HSD17B12: variants seen among roughly 807,000 people sequenced by gnomAD.
The protein encoded by HSD17B12 is very-long-chain 3-oxoacyl-CoA reductase.
Under a neutral mutation model 39.3 loss-of-function variants are expected in HSD17B12, and 32 were observed. The observed-to-expected ratio is 0.81, with a 90% CI of 0.61 to 1.09. HSD17B12 has a LOEUF of 1.09. Ranked by LOEUF, HSD17B12 falls within the 50% of genes least tolerant of loss-of-function variation. The pLI, the probability that HSD17B12 is intolerant of heterozygous loss-of-function variation, is 0.00. For missense variants in HSD17B12, 342 were observed against 382.9 expected (o/e 0.89, Z 0.89); for synonymous variants, 150 against 146.7 (o/e 1.02, Z -0.16).
chr11:43,742,334 G>A (rs1312685518), intron 1 of HSD17B12, among the ~76,000 whole-genome samples: 1 of 151,116 alleles, frequency 6.6e-6, no homozygotes, highest in Non-Finnish European at 1.5e-5. Flanking sequence ...TAGGATTGGG[G>A]TCTCGCTATG....
At chr11:43,830,817 A>C in intron 6 of HSD17B12, 159 bp from the exon 7 acceptor site, 2 of 499,698 alleles carry the variant, frequency 4.0e-6, no homozygotes, top group South Asian at 6.4e-5. Flanking sequence ...CCCTCTTGAC[A>C]CAGTCACATT....
At chr11:43,601,470 G>T in the HSD17B12 span, among the ~76,000 whole-genome samples, 1 of 143,932 alleles carries the variant, frequency 6.9e-6, no homozygotes, top group South Asian at 2.2e-4. Context: ...GTATCATTTG[G>T]TTTTTTCCTT....
At chr11:43,582,503 C>A in the HSD17B12 span, among the ~76,000 whole-genome samples, 5 of 152,172 alleles carry the variant, frequency 3.3e-5, no homozygotes, top group Admixed American at 1.3e-4. Context: ...AGGGACTGGG[C>A]CAGAAGGACA....
Position 43,815,466 on chromosome 11 carries a change from C to A in HSD17B12, c.421C>A (p.Pro141Thr). ...VNNVGMSYEYPEYFLDVPDLD... is the reference protein window; with the variant it reads ...VNNVGMSYEYTEYFLDVPDLD... ...CAACGTGGGAATGTCGTATGAGTATCCTGAATACTTTTTGGATGTTCCTGA... is the reference window on the plus strand; with the variant it reads ...CAACGTGGGAATGTCGTATGAGTATACTGAATACTTTTTGGATGTTCCTGA... Residue 141 changes from proline (P) to threonine (T), a missense_variant, in exon 5 of 11, where the codon CCT becomes ACT. Physicochemically the swap from Pro to Thr is conservative, Grantham distance 38. Coordinates refer to ENST00000278353, the MANE Select transcript of HSD17B12 (RefSeq NM_016142.3). The A allele has an allele frequency of 6.3e-7, 1 of 1,580,030 alleles. No individual in the cohort carries two copies. Among genetic ancestry groups the A allele is most frequent in the Non-Finnish European group, 8.6e-7 (1 of 1,156,450 alleles).
At chr11:43,770,080 T>C (rs1388900362) in intron 3 of HSD17B12, among the ~76,000 whole-genome samples, 1 of 152,192 alleles carries the variant, frequency 6.6e-6, no homozygotes, top group Non-Finnish European at 1.5e-5. Flanking sequence ...TTTTCCCTGG[T>C]ATCTTGATCC....
the HSD17B12 span, among the ~76,000 whole-genome samples, chr11:43,662,853 T>C: frequency 9.9e-5 from 15 of 152,124 alleles, no homozygotes; most frequent in Non-Finnish European, 1.8e-4. Flanking sequence ...TGAACATACA[T>C]TCAATATGTA....
At chr11:43,680,250 T>G (rs893348893), upstream of HSD17B12, among the ~76,000 whole-genome samples, 18 of 151,992 alleles carry the variant, frequency 1.2e-4, no homozygotes, top group African/African-American at 4.3e-4. Flanking sequence ...ATTTTTGTAT[T>G]TTTAGTAGAG....
chr11:43,641,176 T>C, the HSD17B12 span: 6 of 151,758 alleles, frequency 4.0e-5, no homozygotes, highest in Admixed American at 3.9e-4. Context: ...ATTTTTAATT[T>C]AAATAAAGCA....
At chr11:43,698,355 A>G (rs1455825441) in intron 1 of HSD17B12, among the ~76,000 whole-genome samples, 1 of 152,214 alleles carries the variant, frequency 6.6e-6, no homozygotes, top group Non-Finnish European at 1.5e-5. Flanking sequence ...TCTAGCCATC[A>G]TTTAAGTTGT....
chr11:43,707,875 G>A (rs1022185301), intron 1 of HSD17B12, among the ~76,000 whole-genome samples: 1 of 152,158 alleles, frequency 6.6e-6, no homozygotes, highest in Non-Finnish European at 1.5e-5. Flanking sequence ...AGACTAGATG[G>A]CTGAAACAAA....
chr11:43,831,054 A>G lies in HSD17B12; in HGVS notation c.536+44A>G. ...TACAAACACTGTGGAAGCAGAGCTC[A>G]TGATTATTTAGAGGGAGAATCCTTG... On this transcript the variant is annotated intron_variant, in intron 7 of 10. Coordinates refer to ENST00000278353, the MANE Select transcript of HSD17B12 (RefSeq NM_016142.3). The surrounding 1 kb of genome is among the most constrained non-coding windows in gnomAD (Gnocchi z 4.1). 6.4e-7 allele frequency: 1 copy of G among 1,552,552 alleles called. No individual in the cohort carries two copies. The highest frequency in any genetic ancestry group is 8.8e-7 in the Non-Finnish European group (1 of 1,139,788).
the HSD17B12 span, among the ~76,000 whole-genome samples, chr11:43,664,129 T>C: frequency 6.6e-6 from 1 of 152,078 alleles, no homozygotes; most frequent in African/African-American, 2.4e-5. Flanking sequence ...GATTACAGGC[T>C]TGAGCCACTA....
chr11:43,697,369 T>C (rs1424115751), intron 1 of HSD17B12, among the ~76,000 whole-genome samples: 1 of 152,198 alleles, frequency 6.6e-6, no homozygotes, highest in African/African-American at 2.4e-5. Flanking sequence ...AAGTAGAAGA[T>C]GATGATGTTC....
chr11:43,666,245 C>G, the HSD17B12 span, among the ~76,000 whole-genome samples: 1 of 152,116 alleles, frequency 6.6e-6, no homozygotes, highest in African/African-American at 2.4e-5. Flanking sequence ...ACTCTATCAC[C>G]CAGGCTGGAG....
At chr11:43,815,298 G>C (rs1590323017) in intron 4 of HSD17B12, 139 bp from the exon 5 acceptor site, 2 of 446,412 alleles carry the variant, frequency 4.5e-6, no homozygotes, top group African/African-American at 4.0e-5. Context: ...GAAAGGTGTG[G>C]AAAAGGTTAT....
At chr11:43,725,117 T>TAA (rs1427755984) in intron 1 of HSD17B12, among the ~76,000 whole-genome samples, 1 of 152,174 alleles carries the variant, frequency 6.6e-6, no homozygotes, top group Admixed American at 6.5e-5. Context: ...CTTCTATGTA[T>TAA]ATTTCACAGA....
intron 3 of HSD17B12, 75 bp from the exon 4 acceptor site, chr11:43,798,245 A>G (rs1950931905): frequency 3.7e-6 from 3 of 817,136 alleles, no homozygotes; most frequent in Middle Eastern, 6.8e-4. Context: ...GGATAATGCT[A>G]TCAAATGCCT....
At chr11:43,721,453 C>T (rs762002051) in intron 1 of HSD17B12, among the ~76,000 whole-genome samples, 2 of 152,010 alleles carry the variant, frequency 1.3e-5, no homozygotes, top group Admixed American at 6.6e-5. Flanking sequence ...CCCATCTCTA[C>T]TAAAAATACA....
intron 1 of HSD17B12, among the ~76,000 whole-genome samples, chr11:43,710,562 CTTTA>C (rs2134833711): frequency 6.6e-6 from 1 of 152,120 alleles, no homozygotes; most frequent in African/African-American, 2.4e-5. Context: ...AATAATTTAT[CTTTA>C]TTTTATTTTT....
Sources: allele counts gnomAD v4.1 joint callset (sites outside exome capture counted in the v4.1 genomes callset), GRCh38; gene constraint gnomAD v4.1.1; non-coding constraint Gnocchi (gnomAD v3.1); transcripts MANE v1.5; gene names NCBI Gene and HGNC (gene_info 2026-07-23, HGNC 2026-07-21).